CIBAR1: variants seen among roughly 807,000 people sequenced by gnomAD.
The protein encoded by CIBAR1 is CBY1 interacting BAR domain containing 1.
CIBAR1 carries 25 observed loss-of-function variants against 44.0 expected under a neutral mutation model. That is an observed-to-expected ratio of 0.57 (90% CI 0.41 to 0.79). The LOEUF (loss-of-function observed/expected upper bound fraction) is 0.79, where lower values mean the gene tolerates loss of function less well. Ranked by LOEUF, CIBAR1 falls within the 30% of genes least tolerant of loss-of-function variation. The probability of loss-of-function intolerance (pLI) is 0.00; values close to 1 mark genes in which losing one functional copy is unlikely to be tolerated. For synonymous variants in CIBAR1, 115 were observed against 119.0 expected, an observed-to-expected ratio of 0.97 and a Z score of 0.22; for missense variants, 278 against 344.8, an observed-to-expected ratio of 0.81 and a Z score of 1.53.
chr8:93,721,107 G>C (rs1211399298), intron 7 of CIBAR1: 1 of 152,120 alleles, frequency 6.6e-6, no homozygotes, highest in Non-Finnish European at 1.5e-5. Flanking sequence ...AGCAGAGCTG[G>C]AAGTCTGATC....
chr8:93,730,978 CAGTG>C lies in CIBAR1; in HGVS notation c.*2684_*2687del, dbSNP rs1208236225. On this transcript the variant is annotated 3_prime_UTR_variant, in exon 9 of 9. Coordinates refer to ENST00000518322, the MANE Select transcript of CIBAR1 (RefSeq NM_145269.5). ...AAATTTGAGAACAGCCTGGGCAACA[CAGTG>C]AGACTCTGTCTCTACAAATAATAAA... The C allele has an allele frequency of 2.0e-5, 3 of 152,138 alleles. No homozygotes were observed. The highest frequency in any genetic ancestry group is 7.2e-5 in the African/African-American group (3 of 41,396). 9.4% of individuals were successfully genotyped at this position (152,138 alleles called of 1,614,324 possible).
At chr8:93,725,562 G>A (rs1316490754) in intron 7 of CIBAR1, among the ~76,000 whole-genome samples, 1 of 151,842 alleles carries the variant, frequency 6.6e-6, no homozygotes, top group African/African-American at 2.4e-5. Flanking sequence ...TGGAGATGAA[G>A]TCGAATATTC....
Position 93,700,569 on chromosome 8 carries a change from G to A in CIBAR1, c.-79G>A. 4 of 1,393,594 alleles carry A rather than the reference G, an allele frequency of 2.9e-6. No individual in the cohort carries two copies. Among genetic ancestry groups the A allele is most frequent in the Non-Finnish European group, 3.7e-6 (4 of 1,073,682 alleles). 86.3% of individuals were successfully genotyped at this position (1,393,594 alleles called of 1,614,324 possible). A position where few individuals can be genotyped will look rare whatever the true frequency, so the allele number is the denominator to read the frequency against. On this transcript the variant is annotated 5_prime_UTR_variant, in exon 1 of 9. Coordinates refer to ENST00000518322, the MANE Select transcript of CIBAR1 (RefSeq NM_145269.5). The stretch of plus-strand genomic sequence containing the variant: ...GCTTTCAGGCTCCCGGCGGCTGCTT[G>A]CGCCCCAGCGCGCGCCCAGGCGCCT...
chr8:93,713,126 A>G (rs758855305), intron 6 of CIBAR1, among the ~76,000 whole-genome samples: 9 of 137,966 alleles, frequency 6.5e-5, no homozygotes, highest in Non-Finnish European at 1.1e-4. Context: ...TCCACCTCCC[A>G]GGTTCAAGTG....
intron 6 of CIBAR1, among the ~76,000 whole-genome samples, chr8:93,714,069 TTAAGAG>T (rs1275053961): frequency 6.6e-6 from 1 of 152,210 alleles, no homozygotes; most frequent in Non-Finnish European, 1.5e-5. Flanking sequence ...TATTGACATC[TTAAGAG>T]TAATTCTTCC....
intron 7 of CIBAR1, chr8:93,721,260 A>G (rs917817473): frequency 2.6e-5 from 4 of 152,146 alleles, no homozygotes; most frequent in African/African-American, 9.7e-5. Context: ...TGATCCCCCA[A>G]TTCTCCTTCA....
intron 8 of CIBAR1, chr8:93,727,083 A>G (rs771311286): frequency 3.1e-6 from 2 of 635,208 alleles, no homozygotes; most frequent in South Asian, 1.5e-5. Flanking sequence ...TAAGTAACAC[A>G]TAAAGCAGTA....
At chr8:93,703,444 T>C (rs1456348918) in intron 2 of CIBAR1, among the ~76,000 whole-genome samples, 176 bp from the exon 3 acceptor site, 1 of 152,208 alleles carries the variant, frequency 6.6e-6, no homozygotes, top group Non-Finnish European at 1.5e-5. Context: ...TGAGACATTT[T>C]CTTGTCATTT....
chr8:93,715,072 A>G (rs1810988447), intron 6 of CIBAR1, among the ~76,000 whole-genome samples: 1 of 152,234 alleles, frequency 6.6e-6, no homozygotes, highest in Admixed American at 6.5e-5. Flanking sequence ...AGTTTAATTG[A>G]TAAGTCCATT....
In CIBAR1 at chr8:93,715,504, A is replaced by G. The variant is rs920815831; in HGVS notation, c.544-3171A>G. ...TATTTTATCCTTCCAGATTTTTCCT[A>G]TGCATATATACAGAGACATAGTAAT... On this transcript the variant is annotated intron_variant, in intron 6 of 8. Coordinates refer to ENST00000518322, the MANE Select transcript of CIBAR1 (RefSeq NM_145269.5). 6 of 152,196 alleles carry G rather than the reference A, an allele frequency of 3.9e-5. No homozygotes were observed. The South Asian group carries it at 6.2e-4, about 16-fold the overall frequency. 9.4% of individuals were successfully genotyped at this position (152,196 alleles called of 1,614,324 possible).
intron 5 of CIBAR1, among the ~76,000 whole-genome samples, chr8:93,709,298 A>T (rs1810726931): frequency 6.6e-6 from 1 of 152,198 alleles, no homozygotes; most frequent in Non-Finnish European, 1.5e-5. Flanking sequence ...AATAAATAAA[A>T]AAGAGATAAT....
chr8:93,724,919 G>C (rs1811415564), intron 7 of CIBAR1, among the ~76,000 whole-genome samples: 2 of 152,106 alleles, frequency 1.3e-5, no homozygotes, highest in African/African-American at 2.4e-5. Flanking sequence ...GCTATCACAG[G>C]GTATGCTTGT....
At position 93,729,913 on chromosome 8, in the gene CIBAR1, T is replaced by C. The variant is rs1338379593; in HGVS notation, c.*1616T>C. 1 of 152,222 alleles carries C rather than the reference T, an allele frequency of 6.6e-6. No homozygotes were observed. Among genetic ancestry groups the C allele is most frequent in the African/African-American group, 2.4e-5 (1 of 41,470 alleles). 9.4% of individuals were successfully genotyped at this position (152,222 alleles called of 1,614,324 possible). On this transcript the variant is annotated 3_prime_UTR_variant, in exon 9 of 9. Coordinates refer to ENST00000518322, the MANE Select transcript of CIBAR1 (RefSeq NM_145269.5). Reference sequence around the variant, plus strand: ...AGGAATACAAATTGAGTATCCTTTATCTGAAGTGCTTGGGACCAGAAGTAT... The same window carrying C: ...AGGAATACAAATTGAGTATCCTTTACCTGAAGTGCTTGGGACCAGAAGTAT...
chr8:93,725,457 G>A (rs1206499366), intron 7 of CIBAR1, among the ~76,000 whole-genome samples: 1 of 152,100 alleles, frequency 6.6e-6, no homozygotes, highest in African/African-American at 2.4e-5. Flanking sequence ...AAAAGACCTT[G>A]GTGATGTGAG....
In CIBAR1 at chr8:93,729,499, C is replaced by G. The variant is rs1024818024; in HGVS notation, c.*1202C>G. 1.3e-5 allele frequency: 2 copies of G among 152,152 alleles called. No individual in the cohort carries two copies. Among genetic ancestry groups the G allele is most frequent in the Admixed American group, 6.5e-5 (1 of 15,274 alleles). 9.4% of individuals were successfully genotyped at this position (152,152 alleles called of 1,614,324 possible). The stretch of plus-strand genomic sequence containing the variant: ...TGCTGCTTACTAAATAGCAACTTCT[C>G]TTGAGCATTATTTGCCTTGTTTGTA... On this transcript the variant is annotated 3_prime_UTR_variant, in exon 9 of 9. Coordinates refer to ENST00000518322, the MANE Select transcript of CIBAR1 (RefSeq NM_145269.5).
intron 7 of CIBAR1, chr8:93,724,660 T>C: frequency 8.5e-7 from 1 of 1,175,966 alleles, no homozygotes; most frequent in Non-Finnish European, 1.1e-6. Flanking sequence ...ATAATGTCTT[T>C]CATTGTAATA....
chr8:93,722,855 T>C (rs1280972351), intron 7 of CIBAR1, among the ~76,000 whole-genome samples: 1 of 152,260 alleles, frequency 6.6e-6, no homozygotes, highest in Non-Finnish European at 1.5e-5. Context: ...AATATTTAAC[T>C]GGTATAGACT....
intron 4 of CIBAR1, among the ~76,000 whole-genome samples, chr8:93,706,728 A>T (rs548814444): frequency 1.7e-3 from 266 of 152,330 alleles, no homozygotes; most frequent in African/African-American, 6.2e-3. Flanking sequence ...AACCTAAGAG[A>T]TTACTGCCAC....
At chr8:93,703,407 G>A (rs1441793682) in intron 2 of CIBAR1, among the ~76,000 whole-genome samples, 3 of 152,162 alleles carry the variant, frequency 2.0e-5, no homozygotes, top group African/African-American at 4.8e-5. Flanking sequence ...AGATGATGAT[G>A]TGGCCAGGAT....
Sources: allele counts gnomAD v4.1 joint callset (sites outside exome capture counted in the v4.1 genomes callset), GRCh38; gene constraint gnomAD v4.1.1; transcripts MANE v1.5; gene names NCBI Gene and HGNC (gene_info 2026-07-23, HGNC 2026-07-21).